The following MYBL1 variants were observed in gnomAD, a reference collection of about 807,000 sequenced individuals.
MYBL1 encodes MYB proto-oncogene like 1.
MYBL1 carries 17 observed loss-of-function variants against 96.3 expected under a neutral mutation model. The ratio of observed to expected loss-of-function variants is 0.18; its 90% CI spans 0.12 to 0.26. MYBL1 has a LOEUF of 0.26. MYBL1 is among the 10% of genes least tolerant of loss of function. MYBL1 has a pLI of 1.00. For synonymous variants in MYBL1, 282 were observed against 292.7 expected (o/e 0.96, Z 0.37); for missense variants, 701 against 882.9 (o/e 0.79, Z 2.61).
Position 66,602,626 on chromosome 8 carries a change from C to CTACAAGTCA in MYBL1, c.21-112_21-104dup, listed in dbSNP as rs1810122421. The stretch of plus-strand genomic sequence containing the variant: ...GGTATGACTGAAGAAATCATACAGA[C>CTACAAGTCA]TACAAGTCATATTCACAATGAAATT... On this transcript the variant is annotated intron_variant, in intron 1 of 15. Transcript: ENST00000522677. The CTACAAGTCA allele has an allele frequency of 1.1e-5, 6 of 536,354 alleles. No individual in the cohort carries two copies. The South Asian group carries it at 1.6e-4, about 15-fold the overall frequency. 33.2% of individuals were successfully genotyped at this position (536,354 alleles called of 1,614,324 possible).
chr8:66,594,319 A>G (rs1363742053), intron 6 of MYBL1, among the ~76,000 whole-genome samples: 1 of 152,190 alleles, frequency 6.6e-6, no homozygotes, highest in Non-Finnish European at 1.5e-5. Flanking sequence ...CTAATGAATT[A>G]GAAACGTATC....
At chr8:66,579,387 T>C (rs1251775361) in intron 9 of MYBL1, among the ~76,000 whole-genome samples, 1 of 152,076 alleles carries the variant, frequency 6.6e-6, no homozygotes, top group Non-Finnish European at 1.5e-5. Flanking sequence ...CCAGGCATGG[T>C]GGCTCATGCC....
At chr8:66,565,535 C>T (rs1808470164) in intron 15 of MYBL1, 1 of 152,168 alleles carries the variant, frequency 6.6e-6, no homozygotes, top group African/African-American at 2.4e-5. Context: ...AAATTTCCTA[C>T]TCAATGAACT....
At chr8:66,572,725 A>C (rs1385655189) in intron 11 of MYBL1, 129 bp from the exon 12 acceptor site, 6 of 421,654 alleles carry the variant, frequency 1.4e-5, no homozygotes, top group South Asian at 9.1e-5. Context: ...AAACATTCTA[A>C]GACTATTTTA....
intron 3 of MYBL1, 105 bp downstream of exon 3, chr8:66,601,592 AG>A: frequency 1.6e-6 from 1 of 633,548 alleles, no homozygotes; most frequent in Non-Finnish European, 2.7e-6. Flanking sequence ...GTTTTTAGGA[AG>A]GAAACCTAAA....
At chr8:66,610,069 T>C (rs1810470248) in intron 1 of MYBL1, among the ~76,000 whole-genome samples, 1 of 152,060 alleles carries the variant, frequency 6.6e-6, no homozygotes, top group South Asian at 2.1e-4. Flanking sequence ...GTGTAAATAA[T>C]CTGTTACTAG....
At chr8:66,589,354 C>T (rs144782505) in intron 8 of MYBL1, among the ~76,000 whole-genome samples, 6 of 151,664 alleles carry the variant, frequency 4.0e-5, no homozygotes, top group Admixed American at 6.6e-5. Flanking sequence ...GCTCTGTCAC[C>T]CAGGCTGAAG....
At chr8:66,591,001 G>A (rs879474401) in intron 8 of MYBL1, among the ~76,000 whole-genome samples, 1 of 152,138 alleles carries the variant, frequency 6.6e-6, no homozygotes, top group East Asian at 1.9e-4. Context: ...TACATTACAT[G>A]TACAGAAACA....
At chr8:66,610,751 C>T (rs961483793) in intron 1 of MYBL1, among the ~76,000 whole-genome samples, 2 of 152,030 alleles carry the variant, frequency 1.3e-5, no homozygotes, top group Non-Finnish European at 2.9e-5. Flanking sequence ...ATCATATTTA[C>T]GTGGGCAAGA....
At chr8:66,612,416 T>G in intron 1 of MYBL1, 1 of 211,548 alleles carries the variant, frequency 4.7e-6, no homozygotes, top group Non-Finnish European at 9.3e-6. Context: ...TGTACCGTCA[T>G]TCAGAAAAGA....
intron 2 of MYBL1, 71 bp downstream of exon 2, chr8:66,602,347 G>A (rs1212219455): frequency 1.9e-6 from 2 of 1,055,906 alleles, no homozygotes; most frequent in Non-Finnish European, 1.3e-6. Flanking sequence ...CACCACACCT[G>A]GCCGTATAAC....
intron 12 of MYBL1, among the ~76,000 whole-genome samples, chr8:66,568,060 A>AC (rs1431135966): frequency 6.6e-6 from 1 of 151,338 alleles, no homozygotes; most frequent in Admixed American, 6.6e-5. Context: ...AAAAAAAAAA[A>AC]AACAACAACA....
rs952434388 is a variant in MYBL1, at chr8:66,601,586, T to C, written c.198+112A>G. 63 of 618,942 alleles carry C rather than the reference T, an allele frequency of 1.0e-4. No individual in the cohort carries two copies. In the East Asian group the frequency reaches 1.9e-3, roughly 19 times the overall value. The allele number at this position is 618,942 out of a possible 1,614,324, so 38.3% of individuals were successfully genotyped here. A position where few individuals can be genotyped will look rare whatever the true frequency, so the allele number is the denominator to read the frequency against. Reference sequence around the variant, plus strand: ...GCAGACCAAACCAACAGGGATGTTTTTAGGAAGGAAACCTAAAATTAAAAT... The same window carrying C: ...GCAGACCAAACCAACAGGGATGTTTCTAGGAAGGAAACCTAAAATTAAAAT... On this transcript the variant is annotated intron_variant, in intron 3 of 15. Transcript: ENST00000522677.
intron 4 of MYBL1, among the ~76,000 whole-genome samples, chr8:66,597,872 A>AC (rs1809914796): frequency 6.7e-6 from 1 of 148,580 alleles, no homozygotes; most frequent in African/African-American, 2.5e-5. Context: ...AAAAAAAAAA[A>AC]ACGCTTCAGC....
intron 8 of MYBL1, among the ~76,000 whole-genome samples, 190 bp downstream of exon 8, chr8:66,592,250 G>C (rs1809676977): frequency 6.6e-6 from 1 of 151,880 alleles, no homozygotes; most frequent in Non-Finnish European, 1.5e-5. Flanking sequence ...GGGTGACAGA[G>C]CAAGACCCTG....
intron 8 of MYBL1, among the ~76,000 whole-genome samples, chr8:66,587,199 A>G (rs1467034583): frequency 6.6e-6 from 1 of 152,144 alleles, no homozygotes; most frequent in East Asian, 1.9e-4. Context: ...ATAACTATAA[A>G]AGCAGGATTT....
chr8:66,578,972 T>C (rs1238901141), intron 9 of MYBL1, among the ~76,000 whole-genome samples: 1 of 151,966 alleles, frequency 6.6e-6, no homozygotes, highest in Non-Finnish European at 1.5e-5. Flanking sequence ...CAGTAAACTA[T>C]CGCAAGGACA....
chr8:66,580,001 T>C, intron 9 of MYBL1, 132 bp downstream of exon 9: 2 of 659,652 alleles, frequency 3.0e-6, no homozygotes, highest in South Asian at 5.2e-5. Flanking sequence ...TAGAAGCCAC[T>C]GCAAAATATC....
intron 3 of MYBL1, 75 bp from the exon 4 acceptor site, chr8:66,599,217 C>T: frequency 1.1e-6 from 1 of 918,436 alleles, no homozygotes; most frequent in Non-Finnish European, 1.6e-6. Flanking sequence ...TTATGTCTCA[C>T]ATCCTTAGAA....
Sources: allele counts gnomAD v4.1 joint callset (sites outside exome capture counted in the v4.1 genomes callset), GRCh38; gene constraint gnomAD v4.1.1; transcripts MANE v1.5; gene names NCBI Gene and HGNC (gene_info 2026-07-23, HGNC 2026-07-21).